Variants in PEX7 observed in about 807,000 individuals in gnomAD.
The protein encoded by PEX7 is PTS2 receptor.
In PEX7, 34 loss-of-function variants were observed where a neutral mutation model predicts 47.5. The observed-to-expected ratio is 0.72, with a 90% CI of 0.54 to 0.95. The LOEUF is 0.95. PEX7 is among the 40% of genes least tolerant of loss of function. The probability of loss-of-function intolerance (pLI) is 0.00; values close to 1 mark genes in which losing one functional copy is unlikely to be tolerated. For missense variants in PEX7, 394 were observed against 400.3 expected (o/e 0.98, Z 0.13); for synonymous variants, 141 against 148.8 (o/e 0.95, Z 0.38).
chr6:136,860,173 G>GA (rs1280317903), intron 5 of PEX7, among the ~76,000 whole-genome samples: 1 of 152,068 alleles, frequency 6.6e-6, no homozygotes, highest in Non-Finnish European at 1.5e-5. Context: ...AAATTCAATT[G>GA]AAAAAACAAT....
chr6:136,864,324 AAC>A (rs1040693587), intron 5 of PEX7, among the ~76,000 whole-genome samples: 5 of 144,292 alleles, frequency 3.5e-5, no homozygotes, highest in East Asian at 4.1e-4. Flanking sequence ...ATAAAAAAAA[AAC>A]ACACATATTG....
At chr6:136,859,996 G>A (rs1057224749) in intron 5 of PEX7, among the ~76,000 whole-genome samples, 5 of 150,238 alleles carry the variant, frequency 3.3e-5, no homozygotes, top group African/African-American at 9.8e-5. Context: ...CTGGGTGACA[G>A]AGTTAGACTC....
intron 6 of PEX7, among the ~76,000 whole-genome samples, chr6:136,867,331 A>G (rs1775090816): frequency 6.6e-6 from 1 of 152,148 alleles, no homozygotes; most frequent in Non-Finnish European, 1.5e-5. Context: ...CAGATTGCAT[A>G]TGTGACAGGG....
At chr6:136,872,379 A>G (rs1481691186) in intron 8 of PEX7, 126 bp downstream of exon 8, 3 of 738,106 alleles carry the variant, frequency 4.1e-6, no homozygotes, top group Admixed American at 4.7e-5. Context: ...GTACATTTAA[A>G]TATTTACTAG....
At chr6:136,824,620 A>G (rs1018235136) in intron 1 of PEX7, among the ~76,000 whole-genome samples, 1 of 152,254 alleles carries the variant, frequency 6.6e-6, no homozygotes, top group South Asian at 2.1e-4. Flanking sequence ...ATAAAAAGTA[A>G]ACATAACTTT....
At chr6:136,834,333 CAGCCTCCTAAGT>C (rs1404468712) in intron 3 of PEX7, among the ~76,000 whole-genome samples, 2 of 152,228 alleles carry the variant, frequency 1.3e-5, no homozygotes, top group Non-Finnish European at 2.9e-5. Context: ...CCTCCTGCTT[CAGCCTCCTAAGT>C]AGCTGGGACT....
intron 9 of PEX7, among the ~76,000 whole-genome samples, chr6:136,909,417 C>T (rs1775898270): frequency 6.6e-6 from 1 of 152,176 alleles, no homozygotes; most frequent in Non-Finnish European, 1.5e-5. Flanking sequence ...ATGTGAGGGG[C>T]TCTCTCTACT....
At chr6:136,863,042 G>C (rs1562742488) in intron 5 of PEX7, among the ~76,000 whole-genome samples, 1 of 152,168 alleles carries the variant, frequency 6.6e-6, no homozygotes, top group South Asian at 2.1e-4. Context: ...CTGACTGGTG[G>C]CTAGACCACA....
chr6:136,865,375 T>G (rs1349072267), intron 5 of PEX7, among the ~76,000 whole-genome samples: 4 of 152,222 alleles, frequency 2.6e-5, no homozygotes, highest in Non-Finnish European at 1.5e-5. Context: ...CTCGGCTCAC[T>G]GCAACCTCTG....
intron 3 of PEX7, among the ~76,000 whole-genome samples, chr6:136,838,799 G>A (rs1774440749): frequency 6.6e-6 from 1 of 152,150 alleles, no homozygotes; most frequent in African/African-American, 2.4e-5. Context: ...TATTATGGAA[G>A]GTGTGTAATG....
chr6:136,823,014 G>C (rs1774111419), intron 1 of PEX7: 1 of 985,368 alleles, frequency 1.0e-6, no homozygotes. Flanking sequence ...TTGTGTGCAA[G>C]TGCATATACG....
intron 9 of PEX7, among the ~76,000 whole-genome samples, chr6:136,904,650 T>TA (rs1321852903): frequency 6.6e-6 from 1 of 150,752 alleles, no homozygotes; most frequent in Non-Finnish European, 1.5e-5. Flanking sequence ...TTTTTTTTTT[T>TA]ACTGCTGCCA....
intron 8 of PEX7, among the ~76,000 whole-genome samples, chr6:136,875,029 C>T (rs1299524335): frequency 6.6e-6 from 1 of 151,972 alleles, no homozygotes; most frequent in African/African-American, 2.4e-5. Context: ...ATCCCTGCTA[C>T]TGGGGAGGCT....
At chr6:136,867,941 T>TC (rs1460395147) in intron 6 of PEX7, among the ~76,000 whole-genome samples, 3 of 152,020 alleles carry the variant, frequency 2.0e-5, no homozygotes, top group Non-Finnish European at 2.9e-5. Context: ...CACTACTCAT[T>TC]CACTCACTGA....
intron 3 of PEX7, among the ~76,000 whole-genome samples, chr6:136,827,504 T>TGTG (rs1774216057): frequency 7.1e-6 from 1 of 140,930 alleles, no homozygotes; most frequent in Non-Finnish European, 1.5e-5. Context: ...CTGTGTGAAT[T>TGTG]TGTGTGTGTG....
intron 5 of PEX7, among the ~76,000 whole-genome samples, chr6:136,860,010 C>T (rs1208928690): frequency 6.8e-6 from 1 of 147,224 alleles, no homozygotes; most frequent in African/African-American, 2.5e-5. Context: ...TAGACTCTGT[C>T]TCAGAAAAAA....
At chr6:136,907,216 AGTGGATTAAT>A (rs1775859896) in intron 9 of PEX7, among the ~76,000 whole-genome samples, 1 of 152,202 alleles carries the variant, frequency 6.6e-6, no homozygotes. Context: ...GGAAATACAC[AGTGGATTAAT>A]GTCAACCACC....
chr6:136,846,307 T>C lies in PEX7; in HGVS notation c.526+126T>C, dbSNP rs9321575. On this transcript the variant is annotated intron_variant, in intron 5 of 9. Coordinates refer to ENST00000318471, the MANE Select transcript of PEX7 (RefSeq NM_000288.4). ...AGGAGAATATTACTATTCTTTTGTG[T>C]TCTTAAGACTTTACTTCTTTTTTTA... 308,675 of 490,830 alleles carry C rather than the reference T, an allele frequency of 0.63. 97,248 individuals are homozygous for C. The highest frequency in any genetic ancestry group is 0.7 in the African/African-American group (34,984 of 50,292). The allele number at this position is 490,830 out of a possible 1,614,324, so 30.4% of individuals were successfully genotyped here.
At chr6:136,858,383 G>A (rs1774900338) in intron 5 of PEX7, among the ~76,000 whole-genome samples, 1 of 152,176 alleles carries the variant, frequency 6.6e-6, no homozygotes, top group Non-Finnish European at 1.5e-5. Context: ...TTATCTAAGA[G>A]CTAAAACTCT....
Sources: allele counts gnomAD v4.1 joint callset (sites outside exome capture counted in the v4.1 genomes callset), GRCh38; gene constraint gnomAD v4.1.1; transcripts MANE v1.5; gene names NCBI Gene and HGNC (gene_info 2026-07-23, HGNC 2026-07-21).